Variants in PIWIL2 observed in about 807,000 individuals in gnomAD.
PIWIL2 encodes piwi-like protein 2.
PIWIL2 carries 81 observed loss-of-function variants against 116.5 expected under a neutral mutation model. The observed-to-expected ratio is 0.70, with a 90% CI of 0.58 to 0.84. The LOEUF (loss-of-function observed/expected upper bound fraction) is 0.84, where lower values mean the gene tolerates loss of function less well. Among genes scored for constraint, PIWIL2 ranks in the 40% least tolerant of loss-of-function variants. PIWIL2 has a pLI of 0.00. For synonymous variants in PIWIL2, 489 were observed against 429.5 expected (o/e 1.14, Z -1.71); for missense variants, 1,272 against 1,212.3 (o/e 1.05, Z -0.73).
intron 10 of PIWIL2, among the ~76,000 whole-genome samples, chr8:22,291,352 T>C (rs189384416): frequency 0.011 from 1,656 of 152,118 alleles, 43 homozygotes; most frequent in African/African-American, 0.037. Context: ...GGTTTCACCA[T>C]GTTTCCCAGG....
chr8:22,295,598 C>T (rs1027079636), intron 10 of PIWIL2, among the ~76,000 whole-genome samples: 3 of 152,108 alleles, frequency 2.0e-5, no homozygotes, highest in African/African-American at 7.2e-5. Context: ...AGCTGCTCAG[C>T]CCCGAGAGCA....
At chr8:22,348,287 G>C (rs1001178802) in intron 20 of PIWIL2, among the ~76,000 whole-genome samples, 2 of 152,078 alleles carry the variant, frequency 1.3e-5, no homozygotes, top group Non-Finnish European at 2.9e-5. Context: ...GTGACTGAGC[G>C]AGACTCCATC....
chr8:22,286,669 C>T (rs975448420), intron 6 of PIWIL2, among the ~76,000 whole-genome samples: 9 of 152,070 alleles, frequency 5.9e-5, no homozygotes, highest in Non-Finnish European at 1.2e-4. Context: ...TTGCGCAGGC[C>T]GGAGTGCAGT....
chr8:22,315,943 G>A (rs78993597), intron 18 of PIWIL2, among the ~76,000 whole-genome samples: 9,260 of 152,068 alleles, frequency 0.061, 352 homozygotes, highest in Admixed American at 0.092. Flanking sequence ...GTGTCATGTC[G>A]GTGCTCAAAA....
rs527673678 is a variant in PIWIL2, at chr8:22,277,268, C to T, written c.-47+1870C>T. 7.2e-5 allele frequency among the ~76,000 whole-genome samples: 11 copies of T among 152,202 alleles called. No individual in the cohort carries two copies. The South Asian group carries it at 1.5e-3, about 20-fold the overall frequency. On this transcript the variant is annotated intron_variant, in intron 1 of 22. Coordinates refer to ENST00000356766, the MANE Select transcript of PIWIL2 (RefSeq NM_018068.5). Reference sequence around the variant, plus strand: ...AGCTCCTGATCTCAAGTGATCCACCCGCCTCGGCCTCCCAAAGTGCTGTGA... The same window carrying T: ...AGCTCCTGATCTCAAGTGATCCACCTGCCTCGGCCTCCCAAAGTGCTGTGA...
At chr8:22,344,589 C>T (rs1189585535) in intron 20 of PIWIL2, among the ~76,000 whole-genome samples, 1 of 151,906 alleles carries the variant, frequency 6.6e-6, no homozygotes, top group Non-Finnish European at 1.5e-5. Context: ...TAAAAGAGGC[C>T]AGGTATGATG....
In PIWIL2 at chr8:22,314,301, G is replaced by C. The variant is rs747067309; in HGVS notation, c.1990-27G>C. 5 of 1,284,522 alleles carry C rather than the reference G, an allele frequency of 3.9e-6. No homozygotes were observed. The African/African-American group carries it at 7.6e-5, about 19-fold the overall frequency. 79.6% of individuals were successfully genotyped at this position (1,284,522 alleles called of 1,614,324 possible). ...AAGTCCCCAGAGAATTCCACAGCCT[G>C]ACTTGTATATACCTTATCTCCTCAA... is the stretch of plus-strand genomic sequence containing the variant. On this transcript the variant is annotated intron_variant, in intron 16 of 22. Transcript: ENST00000356766.
Position 22,296,056 on chromosome 8 carries a change from TTTG to T in PIWIL2, c.1181+5726_1181+5728del, listed in dbSNP as rs1554499137. Among the ~76,000 whole-genome samples the T allele has an allele frequency of 3.8e-3, 446 of 118,312 alleles. 2 individuals carry two copies. The highest frequency in any genetic ancestry group is 6.8e-3 in the African/African-American group (204 of 30,138). 77.6% of individuals were successfully genotyped at this position (118,312 alleles called of 152,430 possible). A position where few individuals can be genotyped will look rare whatever the true frequency, so the allele number is the denominator to read the frequency against. The stretch of plus-strand genomic sequence containing the variant: ...TTTTTTTTTTTTTTTTTTTTTTTTT[TTTG>T]TTGTTGTTGTTGTTGAGATGGAGTC... On this transcript the variant is annotated intron_variant, in intron 10 of 22. Transcript: ENST00000356766.
At position 22,314,432 on chromosome 8, in the gene PIWIL2, G is replaced by A. The variant is rs1281402361; in HGVS notation, c.2091+3G>A. ...TGCAGTCCCCAGTGCCCTCCCAGGT[G>A]AGTGGGTGTTGGGGCAGGAGGCGCA... On this transcript the variant is annotated splice_donor_region_variant and intron_variant, in intron 17 of 22. Coordinates refer to ENST00000356766, the MANE Select transcript of PIWIL2 (RefSeq NM_018068.5). The A allele has an allele frequency of 3.3e-6, 5 of 1,533,818 alleles. No homozygotes were observed. Among genetic ancestry groups the A allele is most frequent in the Non-Finnish European group, 4.4e-6 (5 of 1,128,838 alleles).
chr8:22,326,817 T>G (rs1000121759), intron 20 of PIWIL2, among the ~76,000 whole-genome samples: 2 of 152,132 alleles, frequency 1.3e-5, no homozygotes, highest in Non-Finnish European at 2.9e-5. Context: ...GAACAAGTAT[T>G]TGTTTAAGTT....
At chr8:22,281,091 T>G in intron 2 of PIWIL2, 29 bp from the exon 3 acceptor site, 1 of 1,487,022 alleles carries the variant, frequency 6.7e-7, no homozygotes, top group Non-Finnish European at 9.3e-7. Flanking sequence ...AAACTACCTC[T>G]TAGAACTTTA....
chr8:22,314,457 A>G, intron 17 of PIWIL2, 28 bp downstream of exon 17: 2 of 1,227,022 alleles, frequency 1.6e-6, no homozygotes, highest in Non-Finnish European at 2.3e-6. Flanking sequence ...CAGGAGGCGC[A>G]GATGGCACCT....
At chr8:22,324,394 CTG>C (rs1457535137) in intron 20 of PIWIL2, among the ~76,000 whole-genome samples, 2 of 152,248 alleles carry the variant, frequency 1.3e-5, no homozygotes, top group Non-Finnish European at 2.9e-5. Context: ...AGTTTGGCCA[CTG>C]TGCTGATCTA....
chr8:22,310,158 C>G, intron 15 of PIWIL2, 84 bp downstream of exon 15: 1 of 722,614 alleles, frequency 1.4e-6, no homozygotes, highest in Non-Finnish European at 2.4e-6. Context: ...CTAGAGTCTT[C>G]TTTTTTGAGG....
intron 16 of PIWIL2, among the ~76,000 whole-genome samples, chr8:22,312,438 A>G (rs997184604): frequency 3.9e-5 from 6 of 152,082 alleles, no homozygotes; most frequent in Admixed American, 3.3e-4. Flanking sequence ...CTAATTAAAA[A>G]AAAAAATTAT....
intron 4 of PIWIL2, among the ~76,000 whole-genome samples, chr8:22,282,447 C>T (rs1830531989): frequency 6.6e-6 from 1 of 152,050 alleles, no homozygotes; most frequent in South Asian, 2.1e-4. Context: ...CTTGGCTTCC[C>T]AGAGAGCTGG....
intron 20 of PIWIL2, among the ~76,000 whole-genome samples, chr8:22,344,672 G>C (rs1832184905): frequency 6.6e-6 from 1 of 152,058 alleles, no homozygotes; most frequent in Non-Finnish European, 1.5e-5. Flanking sequence ...GTTTGAGACT[G>C]CCTGGGCCAC....
At chr8:22,327,371 T>TG (rs1337844207) in intron 20 of PIWIL2, among the ~76,000 whole-genome samples, 2 of 145,222 alleles carry the variant, frequency 1.4e-5, no homozygotes, top group African/African-American at 5.2e-5. Flanking sequence ...TTTGTTTCGT[T>TG]TTTTTTTTTT....
chr8:22,352,569 C>CT (rs544911331), intron 20 of PIWIL2, among the ~76,000 whole-genome samples: 113 of 152,280 alleles, frequency 7.4e-4, no homozygotes, highest in African/African-American at 2.6e-3. Context: ...TAGAATTTCT[C>CT]TAACACTTTA....
Sources: gnomAD v4.1 joint callset for allele counts (sites outside exome capture counted in the v4.1 genomes callset) on GRCh38, gnomAD v4.1.1 for gene constraint, MANE v1.5 for transcripts, NCBI Gene and HGNC (gene_info 2026-07-23, HGNC 2026-07-21) for gene names.